The following RNF150 variants were observed in gnomAD, a reference collection of about 807,000 sequenced individuals.
The protein encoded by RNF150 is ring finger protein 150.
Under a neutral mutation model 39.3 loss-of-function variants are expected in RNF150, and 24 were observed. The ratio of observed to expected loss-of-function variants is 0.61; its 90% CI spans 0.44 to 0.86. RNF150 has a LOEUF of 0.86. Ranked by LOEUF, RNF150 falls within the 40% of genes least tolerant of loss-of-function variation. The pLI is 0.00. For synonymous variants in RNF150, 255 were observed against 227.3 expected (o/e 1.12, Z -1.10); for missense variants, 502 against 587.8 (o/e 0.85, Z 1.51).
intron 6 of RNF150, among the ~76,000 whole-genome samples, chr4:140,876,133 G>A (rs1729147457): frequency 6.6e-6 from 1 of 152,156 alleles, no homozygotes; most frequent in African/African-American, 2.4e-5. Context: ...TGAAAAGTAA[G>A]GTTTCAAAGA....
chr4:141,022,333 T>A (rs2110790194), intron 1 of RNF150, among the ~76,000 whole-genome samples: 1 of 152,196 alleles, frequency 6.6e-6, no homozygotes, highest in East Asian at 1.9e-4. Context: ...TCTGCCTCAC[T>A]TAGAAAAAGA....
At chr4:141,082,830 C>T (rs552072750) in intron 1 of RNF150, among the ~76,000 whole-genome samples, 2 of 152,122 alleles carry the variant, frequency 1.3e-5, no homozygotes, top group South Asian at 2.1e-4. Context: ...CCTCGTGATC[C>T]GCCCGCCTCG....
At chr4:141,029,764 A>G in intron 1 of RNF150, among the ~76,000 whole-genome samples, 1 of 152,248 alleles carries the variant, frequency 6.6e-6, no homozygotes, top group East Asian at 1.9e-4. Context: ...AATATTTGCA[A>G]ATCATATATT....
At chr4:140,911,979 TAA>T (rs1730625441) in intron 5 of RNF150, among the ~76,000 whole-genome samples, 2 of 152,354 alleles carry the variant, frequency 1.3e-5, no homozygotes, top group African/African-American at 4.8e-5. Flanking sequence ...TCAAATCCTC[TAA>T]ATTAAATTCT....
intron 1 of RNF150, among the ~76,000 whole-genome samples, chr4:140,977,459 A>T (rs1733705453): frequency 6.6e-6 from 1 of 152,166 alleles, no homozygotes; most frequent in South Asian, 2.1e-4. Flanking sequence ...GAGAGCTGGC[A>T]ATGAAAGAGG....
At chr4:140,886,154 G>A (rs1319079142) in intron 6 of RNF150, among the ~76,000 whole-genome samples, 1 of 142,008 alleles carries the variant, frequency 7.0e-6, no homozygotes, top group African/African-American at 2.7e-5. Context: ...TAGCGCCACT[G>A]CGCTCCAGCC....
At chr4:141,024,704 G>A (rs1735626245) in intron 1 of RNF150, among the ~76,000 whole-genome samples, 1 of 152,158 alleles carries the variant, frequency 6.6e-6, no homozygotes, top group Non-Finnish European at 1.5e-5. Context: ...ATGGTGATCA[G>A]GGTTCCCGGT....
intron 4 of RNF150, among the ~76,000 whole-genome samples, chr4:140,945,870 G>GA (rs1208811310): frequency 2.0e-5 from 3 of 151,382 alleles, no homozygotes. Flanking sequence ...TAATCTTCAA[G>GA]AAAAAAATAA....
intron 1 of RNF150, among the ~76,000 whole-genome samples, chr4:141,187,520 C>T (rs2636763): frequency 0.97 from 147,992 of 152,280 alleles, 72,063 homozygotes; most frequent in East Asian, 1. Flanking sequence ...AATTGCTTTA[C>T]GGATCTGGGT....
At chr4:141,143,329 A>G (rs1727151457) in intron 1 of RNF150, among the ~76,000 whole-genome samples, 2 of 152,178 alleles carry the variant, frequency 1.3e-5, no homozygotes, top group South Asian at 4.1e-4. Flanking sequence ...TCTTCATCAA[A>G]CAGTAAATGG....
chr4:141,077,845 C>T (rs1238967751), intron 1 of RNF150, among the ~76,000 whole-genome samples: 1 of 152,228 alleles, frequency 6.6e-6, no homozygotes, highest in East Asian at 1.9e-4. Context: ...GCTCTGGAGG[C>T]CTATGCCAGG....
At chr4:141,150,931 CTTCT>C (rs1277226341) in intron 1 of RNF150, among the ~76,000 whole-genome samples, 1 of 151,132 alleles carries the variant, frequency 6.6e-6, no homozygotes, top group Non-Finnish European at 1.5e-5. Flanking sequence ...GTTTTCTTTT[CTTCT>C]TTGTTTTTTT....
intron 5 of RNF150, among the ~76,000 whole-genome samples, chr4:140,917,200 C>A (rs1459906971): frequency 6.6e-6 from 1 of 152,246 alleles, no homozygotes; most frequent in South Asian, 2.1e-4. Flanking sequence ...CAATATTAAC[C>A]TTAAATGTAA....
intron 1 of RNF150, among the ~76,000 whole-genome samples, chr4:141,008,204 CA>C (rs1734942878): frequency 6.6e-6 from 1 of 152,200 alleles, no homozygotes; most frequent in Admixed American, 6.5e-5. Flanking sequence ...ATTCTATTAG[CA>C]TCATTTCAAA....
At chr4:141,005,150 G>A (rs1734816222) in intron 1 of RNF150, among the ~76,000 whole-genome samples, 1 of 152,176 alleles carries the variant, frequency 6.6e-6, no homozygotes, top group African/African-American at 2.4e-5. Context: ...GATGGTAGAG[G>A]AGCCATTCTT....
intron 1 of RNF150, among the ~76,000 whole-genome samples, chr4:140,997,589 C>T (rs959470925): frequency 6.8e-6 from 1 of 146,918 alleles, no homozygotes; most frequent in Non-Finnish European, 1.5e-5. Context: ...TTGGTTTTGA[C>T]CCTTAATCCC....
At chr4:141,206,019 A>G (rs1728367978) in intron 1 of RNF150, among the ~76,000 whole-genome samples, 1 of 151,794 alleles carries the variant, frequency 6.6e-6, no homozygotes, top group Non-Finnish European at 1.5e-5. Context: ...ACTCATGATC[A>G]CTCTTGCAGT....
At chr4:141,077,199 T>A (rs1300782498) in intron 1 of RNF150, among the ~76,000 whole-genome samples, 1 of 152,206 alleles carries the variant, frequency 6.6e-6, no homozygotes, top group Non-Finnish European at 1.5e-5. Context: ...CAAGACCCTC[T>A]ACACAAATGT....
chr4:140,889,657 A>G (rs1729692124), intron 6 of RNF150, among the ~76,000 whole-genome samples: 1 of 152,200 alleles, frequency 6.6e-6, no homozygotes, highest in African/African-American at 2.4e-5. Flanking sequence ...CGGTGTCTCC[A>G]TCACTAAGTG....
Sources: gnomAD v4.1 joint callset for allele counts (sites outside exome capture counted in the v4.1 genomes callset) on GRCh38, gnomAD v4.1.1 for gene constraint, MANE v1.5 for transcripts, NCBI Gene and HGNC (gene_info 2026-07-23, HGNC 2026-07-21) for gene names.